VPS35: variants seen among roughly 807,000 people sequenced by gnomAD.
VPS35 encodes the protein vacuolar protein sorting-associated protein 35.
Under a neutral mutation model 98.1 loss-of-function variants are expected in VPS35, and 21 were observed. That is an observed-to-expected ratio of 0.21 (90% confidence interval 0.15 to 0.31). The LOEUF (loss-of-function observed/expected upper bound fraction) is 0.31. VPS35 is among the 10% of genes least tolerant of loss of function. VPS35 has a pLI of 1.00. For synonymous variants in VPS35, 268 were observed against 318.2 expected, an observed-to-expected ratio of 0.84 and a Z score of 1.68; for missense variants, 554 against 950.8, an observed-to-expected ratio of 0.58 and a Z score of 5.49.
rs8045759 is a variant in VPS35 at position 46,661,332 on chromosome 16, C to T, written c.2211+386G>A. On this transcript the variant is annotated intron_variant, in intron 16 of 16. Coordinates refer to ENST00000299138, the MANE Select transcript of VPS35 (RefSeq NM_018206.6). This position sits in a 1 kb window ranked among gnomAD's most constrained non-coding sequence, Gnocchi z 4.3. ...GCAGCCTCCACCTCCCAGGTTCAAGCGATTCTCCTGCCTTAGGCTTCCAAG... is the reference window on the plus strand; with the variant it reads ...GCAGCCTCCACCTCCCAGGTTCAAGTGATTCTCCTGCCTTAGGCTTCCAAG... Among the ~76,000 whole-genome samples, 473 of 152,262 alleles carry T rather than the reference C, an allele frequency of 3.1e-3. 2 individuals are homozygous for T. The highest frequency in any genetic ancestry group is 5.4e-3 in the Non-Finnish European group (367 of 68,022).
At chr16:46,678,077 A>G (rs1376900846) in intron 6 of VPS35, among the ~76,000 whole-genome samples, 2 of 152,202 alleles carry the variant, frequency 1.3e-5, no homozygotes, top group African/African-American at 4.8e-5. Flanking sequence ...ATCTGGGTCT[A>G]TTATGGATTG....
Position 46,662,833 on chromosome 16 carries a change from T to C in VPS35, c.1827+150A>G, listed in dbSNP as rs891084493. ...GATCAACACCAGTCAATTACAACAA[T>C]AATATTAACAGGTTCCATGATGGTG... On this transcript the variant is annotated intron_variant, in intron 14 of 16. Transcript: ENST00000299138. 13 of 867,374 alleles carry C rather than the reference T, an allele frequency of 1.5e-5. No individual in the cohort carries two copies. In the African/African-American group the frequency reaches 2.2e-4, roughly 15 times the overall value. 53.7% of individuals were successfully genotyped at this position (867,374 alleles called of 1,614,324 possible).
At position 46,665,844 on chromosome 16, in the gene VPS35, G is replaced by A. The variant is rs150194969; in HGVS notation, c.1648-2682C>T. Among the ~76,000 whole-genome samples the A allele has an allele frequency of 5.0e-4, 76 of 152,110 alleles. 1 individual carries two copies. The highest frequency in any genetic ancestry group is 3.3e-3 in the East Asian group (17 of 5,178). On this transcript the variant is annotated intron_variant, in intron 13 of 16. Transcript: ENST00000299138. The stretch of plus-strand genomic sequence containing the variant: ...CTCCCTCTGTCACCCAGGCTGGAGC[G>A]CAAAAGCACAATCATAACTCACTGC...
Position 46,671,685 on chromosome 16 carries a change from T to G in VPS35, c.1524+20A>C. ...TTCACTAGGAGCTGATACAGGGATATACTAAGGGTAAACTCATACCAAGTA... is the reference window on the plus strand; with the variant it reads ...TTCACTAGGAGCTGATACAGGGATAGACTAAGGGTAAACTCATACCAAGTA... On this transcript the variant is annotated intron_variant, in intron 12 of 16. Transcript: ENST00000299138. 8.1e-6 allele frequency: 13 copies of G among 1,614,046 alleles called. No homozygotes were observed. Among genetic ancestry groups the G allele is most frequent in the Non-Finnish European group, 1.1e-5 (13 of 1,179,914 alleles).
intron 4 of VPS35, 130 bp downstream of exon 4, chr16:46,681,247 C>T: frequency 1.6e-6 from 2 of 1,275,228 alleles, no homozygotes; most frequent in Non-Finnish European, 2.3e-6. Flanking sequence ...AAGAGAATAT[C>T]TACCAAAATG....
Position 46,689,162 on chromosome 16 carries a change from G to C in VPS35, c.-29C>G. 2 of 1,605,066 alleles carry C rather than the reference G, an allele frequency of 1.2e-6. No individual in the cohort carries two copies. The highest frequency in any genetic ancestry group is 1.7e-4 in the Middle Eastern group (1 of 6,010). On this transcript the variant is annotated 5_prime_UTR_variant, in exon 1 of 17. Coordinates refer to ENST00000299138, the MANE Select transcript of VPS35 (RefSeq NM_018206.6). Reference sequence around the variant, plus strand: ...GACTCCCCAGAGCCTGCAGCAAGCAGCACCCGCCCCGCGCGTAGCCTCCCG... The same window carrying C: ...GACTCCCCAGAGCCTGCAGCAAGCACCACCCGCCCCGCGCGTAGCCTCCCG...
intron 1 of VPS35, among the ~76,000 whole-genome samples, chr16:46,684,729 C>T (rs1966286337): frequency 6.6e-6 from 1 of 152,112 alleles, no homozygotes; most frequent in African/African-American, 2.4e-5. Flanking sequence ...TAATATGCTC[C>T]ACAAATGTTC....
At chr16:46,678,609 T>C (rs564193440) in intron 6 of VPS35, among the ~76,000 whole-genome samples, 6 of 152,348 alleles carry the variant, frequency 3.9e-5, no homozygotes, top group Admixed American at 6.5e-5. Flanking sequence ...TTCAACTTGT[T>C]CTTCCTTTTC....
At chr16:46,672,706 G>A (rs1027112271) in intron 10 of VPS35, among the ~76,000 whole-genome samples, 1 of 152,134 alleles carries the variant, frequency 6.6e-6, no homozygotes, top group Admixed American at 6.5e-5. Context: ...ACTAGATACA[G>A]TTTCCAACTC....
chr16:46,669,206 C>T (rs1966033161), intron 12 of VPS35, 154 bp from the exon 13 acceptor site: 1 of 925,106 alleles, frequency 1.1e-6, no homozygotes, highest in Non-Finnish European at 1.7e-6. Flanking sequence ...CTTATCTCCT[C>T]AAGTTGTCAC....
Position 46,661,733 on chromosome 16 carries a change from T to C in VPS35, c.2196A>G (p.Glu732=). ...EILNRYIYFY[E]KENDAVTIQV... Reference sequence around the variant, plus strand: ...ATTCACTTACCGCATCATTTTCCTTTTCATAAAAATAGATATATCTGTTCA... The same window carrying C: ...ATTCACTTACCGCATCATTTTCCTTCTCATAAAAATAGATATATCTGTTCA... Residue 732 remains glutamate, a synonymous_variant, in exon 16 of 17, where the codon GAA becomes GAG. Coordinates refer to ENST00000299138, the MANE Select transcript of VPS35 (RefSeq NM_018206.6). The surrounding 1 kb of genome is among the most constrained non-coding windows in gnomAD (Gnocchi z 4.3). 6.2e-7 allele frequency: 1 copy of C among 1,610,402 alleles called. No individual in the cohort carries two copies. Among genetic ancestry groups the C allele is most frequent in the Non-Finnish European group, 8.5e-7 (1 of 1,176,700 alleles).
intron 13 of VPS35, among the ~76,000 whole-genome samples, chr16:46,665,577 A>C (rs1214178685): frequency 7.9e-6 from 1 of 126,406 alleles, no homozygotes; most frequent in African/African-American, 2.9e-5. Flanking sequence ...TCTGGGCAAC[A>C]AAGACCTTGA....
intron 13 of VPS35, among the ~76,000 whole-genome samples, chr16:46,667,392 T>C (rs761754969): frequency 3.9e-5 from 6 of 152,192 alleles, no homozygotes; most frequent in Non-Finnish European, 8.8e-5. Flanking sequence ...GCAAATATTC[T>C]CCCCCATTCC....
chr16:46,659,484 C>G lies in VPS35; in HGVS notation c.*988G>C, dbSNP rs552312462. ...TGAATTCATCATGCCTTGGGAAAAGCAGGGTAAAGTTGAGGAAAGAAAAGG... is the reference window on the plus strand; with the variant it reads ...TGAATTCATCATGCCTTGGGAAAAGGAGGGTAAAGTTGAGGAAAGAAAAGG... On this transcript the variant is annotated 3_prime_UTR_variant, in exon 17 of 17. Transcript: ENST00000299138. 1 of 152,220 alleles carries G rather than the reference C, an allele frequency of 6.6e-6. No homozygotes were observed. Among genetic ancestry groups the G allele is most frequent in the Non-Finnish European group, 1.5e-5 (1 of 68,026 alleles). 9.4% of individuals were successfully genotyped at this position (152,220 alleles called of 1,614,324 possible).
chr16:46,683,364 G>C, intron 2 of VPS35, 144 bp downstream of exon 2: 1 of 777,152 alleles, frequency 1.3e-6, no homozygotes. Context: ...TCCACAAAGT[G>C]CTTGAGGGAG....
chr16:46,684,991 A>G (rs921491687), intron 1 of VPS35, among the ~76,000 whole-genome samples: 8 of 152,208 alleles, frequency 5.3e-5, no homozygotes, highest in African/African-American at 1.9e-4. Context: ...AGGAACAGAA[A>G]GTAGACTGAT....
At chr16:46,673,718 A>T (rs1966100677) in intron 10 of VPS35, 3 of 153,974 alleles carry the variant, frequency 1.9e-5, no homozygotes, top group African/African-American at 7.2e-5. Context: ...TCTGCACCTT[A>T]AATATACATA....
At chr16:46,664,041 A>G (rs951604189) in intron 13 of VPS35, among the ~76,000 whole-genome samples, 2 of 151,684 alleles carry the variant, frequency 1.3e-5, no homozygotes, top group African/African-American at 4.8e-5. Context: ...TGTAAGTTAC[A>G]TTCCCAAATT....
intron 13 of VPS35, among the ~76,000 whole-genome samples, chr16:46,663,921 G>A (rs1300466095): frequency 9.2e-6 from 1 of 108,278 alleles, no homozygotes; most frequent in East Asian, 3.0e-4. Flanking sequence ...CTGTTGCCCA[G>A]GCTGATCTTG....
Sources: allele counts gnomAD v4.1 joint callset (sites outside exome capture counted in the v4.1 genomes callset), GRCh38; gene constraint gnomAD v4.1.1; non-coding constraint Gnocchi (gnomAD v3.1); transcripts MANE v1.5; gene names NCBI Gene and HGNC (gene_info 2026-07-23, HGNC 2026-07-21).